The following MTOR variants were observed in gnomAD, a reference collection of about 807,000 sequenced individuals.
MTOR encodes the protein serine/threonine-protein kinase mTOR.
In MTOR, 70 loss-of-function variants were observed where a neutral mutation model predicts 319.8. The ratio of observed to expected loss-of-function variants is 0.22; its 90% CI spans 0.18 to 0.27. The LOEUF (loss-of-function observed/expected upper bound fraction) is 0.27. Among genes scored for constraint, MTOR ranks in the 10% least tolerant of loss-of-function variants. The pLI is 1.00. For missense variants in MTOR, 1,890 were observed against 3,274.4 expected (o/e 0.58, Z 10.32); for synonymous variants, 1,183 against 1,211.4 (o/e 0.98, Z 0.49).
chr1:11,189,911 T>C, intron 28 of MTOR: 5 of 1,613,768 alleles, frequency 3.1e-6, no homozygotes, highest in Non-Finnish European at 4.2e-6. Flanking sequence ...CAAATTGACA[T>C]CATGCAGCTG....
chr1:11,211,434 T>TG (rs1646307714), intron 23 of MTOR, among the ~76,000 whole-genome samples: 1 of 152,182 alleles, frequency 6.6e-6, no homozygotes. Flanking sequence ...GGCACAATTA[T>TG]GGGGGTCACT....
Position 11,115,488 on chromosome 1 carries a change from G to C in MTOR, c.7017-20C>G. ...GGGTGTCTTTGAGAAACAGAAGACA[G>C]ATCAGGGAGGGATCAACAGAGATAA... On this transcript the variant is annotated intron_variant, in intron 50 of 57. Coordinates refer to ENST00000361445, the MANE Select transcript of MTOR (RefSeq NM_004958.4). The surrounding 1 kb of genome is among the most constrained non-coding windows in gnomAD (Gnocchi z 4.5). 6.2e-7 allele frequency: 1 copy of C among 1,607,046 alleles called. No individual in the cohort carries two copies. The highest frequency in any genetic ancestry group is 1.1e-5 in the South Asian group (1 of 90,916).
At chr1:11,207,581 A>G (rs1646176832) in intron 25 of MTOR, among the ~76,000 whole-genome samples, 1 of 135,422 alleles carries the variant, frequency 7.4e-6, no homozygotes, top group Non-Finnish European at 1.6e-5. Context: ...GCTAATTTTT[A>G]AAATTTTTTC....
intron 6 of MTOR, among the ~76,000 whole-genome samples, chr1:11,251,380 T>C (rs997984077): frequency 6.6e-6 from 1 of 152,240 alleles, no homozygotes; most frequent in African/African-American, 2.4e-5. Flanking sequence ...AATAGCACCG[T>C]GTTTTAAAAT....
chr1:11,221,407 A>T (rs2100825548), intron 19 of MTOR, among the ~76,000 whole-genome samples: 1 of 152,296 alleles, frequency 6.6e-6, no homozygotes, highest in African/African-American at 2.4e-5. Flanking sequence ...ATATCAACTG[A>T]AAGTCTTAAA....
At chr1:11,194,480 G>A in intron 28 of MTOR, 2 of 1,614,074 alleles carry the variant, frequency 1.2e-6, no homozygotes, top group East Asian at 2.2e-5. Flanking sequence ...GGCAACCTGC[G>A]CTACGCTGAG....
intron 6 of MTOR, among the ~76,000 whole-genome samples, chr1:11,250,205 C>T (rs1266620905): frequency 2.7e-5 from 3 of 111,106 alleles, no homozygotes; most frequent in South Asian, 3.6e-4. Context: ...CCGGACGGGG[C>T]GGCTGGCCGG....
rs78152875 is a variant in MTOR, at chr1:11,174,528, A to G, written c.4254-7011T>C. 1.4e-4 allele frequency among the ~76,000 whole-genome samples: 22 copies of G among 152,326 alleles called. No homozygotes were observed. In the East Asian group the frequency reaches 2.9e-3, roughly 20 times the overall value. On this transcript the variant is annotated intron_variant, in intron 28 of 57. Transcript: ENST00000361445. The stretch of plus-strand genomic sequence containing the variant: ...CAGCCAGGCTTATAGTTCAGGCTGC[A>G]AAGTGCAGGACAAGCAAGTCTCTGT...
At chr1:11,164,239 G>A (rs528430683) in intron 29 of MTOR, among the ~76,000 whole-genome samples, 64 of 151,256 alleles carry the variant, frequency 4.2e-4, no homozygotes, top group African/African-American at 1.5e-3. Flanking sequence ...GGAGGCTGAG[G>A]CAGGAGAATT....
Position 11,200,871 on chromosome 1 carries a change from C to T in MTOR, c.3945-1168G>A, listed in dbSNP as rs139382073. ...TCTACTAAAAATACAAAAAATTAGC[C>T]GGGCGCGGTGGTGGTGGCCTGTAGT... On this transcript the variant is annotated intron_variant, in intron 26 of 57. Transcript: ENST00000361445. Among the ~76,000 whole-genome samples the T allele has an allele frequency of 8.0e-3, 1,210 of 151,996 alleles. 20 individuals are homozygous for T. Among genetic ancestry groups the T allele is most frequent in the African/African-American group, 0.027 (1,118 of 41,454 alleles).
rs373049647 is a variant in MTOR, at chr1:11,129,884, T to C, written c.5614-46A>G. 2.6e-6 allele frequency: 4 copies of C among 1,556,420 alleles called. No individual in the cohort carries two copies. In the African/African-American group the frequency reaches 5.4e-5, roughly 21 times the overall value. ...TAGCGACACTCTTGCCTCTGCTTTC[T>C]CATCTGTAAAATGGGCATAAGAGCA... On this transcript the variant is annotated intron_variant, in intron 39 of 57. Coordinates refer to ENST00000361445, the MANE Select transcript of MTOR (RefSeq NM_004958.4). The surrounding 1 kb of genome is among the most constrained non-coding windows in gnomAD (Gnocchi z 4.7).
At position 11,202,211 on chromosome 1, in the gene MTOR, C is replaced by A. The variant is rs375669407; in HGVS notation, c.3944+2350G>T. Among the ~76,000 whole-genome samples the A allele has an allele frequency of 5.0e-4, 76 of 151,940 alleles. 1 individual carries two copies. Among genetic ancestry groups the A allele is most frequent in the East Asian group, 2.7e-3 (14 of 5,168 alleles). ...CTGGGAGGCCGAGGTGGGCAGATTGCGAGGTCAGGAGATCGAGACCATCCT... is the reference window on the plus strand; with the variant it reads ...CTGGGAGGCCGAGGTGGGCAGATTGAGAGGTCAGGAGATCGAGACCATCCT... On this transcript the variant is annotated intron_variant, in intron 26 of 57. Transcript: ENST00000361445.
intron 36 of MTOR, among the ~76,000 whole-genome samples, chr1:11,137,428 A>T (rs1643483101): frequency 6.6e-6 from 1 of 152,156 alleles, no homozygotes; most frequent in Non-Finnish European, 1.5e-5. Flanking sequence ...TTTGAAGCCC[A>T]ATATTTCGTT....
At position 11,115,214 on chromosome 1, in the gene MTOR, G is replaced by A. The variant is rs1212043724; in HGVS notation, c.7089+182C>T. On this transcript the variant is annotated intron_variant, in intron 51 of 57. Transcript: ENST00000361445. The surrounding 1 kb of genome is among the most constrained non-coding windows in gnomAD (Gnocchi z 4.5). ...TGGGAACAGCAGCCCTTGCTCCAAGGGGGTTAGAGTCCAACTAAGAGCCCA... is the reference window on the plus strand; with the variant it reads ...TGGGAACAGCAGCCCTTGCTCCAAGAGGGTTAGAGTCCAACTAAGAGCCCA... Among the ~76,000 whole-genome samples the A allele has an allele frequency of 3.9e-5, 6 of 152,162 alleles. No homozygotes were observed. In the East Asian group the frequency reaches 1.2e-3, roughly 29 times the overall value.
chr1:11,194,796 C>T (rs1453666515), intron 28 of MTOR: 12 of 1,604,242 alleles, frequency 7.5e-6, no homozygotes, highest in Non-Finnish European at 1.0e-5. Context: ...TAACTCCTTA[C>T]CTGATGTCTG....
At chr1:11,191,782 T>C (rs1033673232) in intron 28 of MTOR, among the ~76,000 whole-genome samples, 2 of 152,158 alleles carry the variant, frequency 1.3e-5, no homozygotes, top group African/African-American at 2.4e-5. Context: ...CCCTTAATTA[T>C]GGTCTCAGGT....
At chr1:11,226,565 C>T (rs112606322) in intron 19 of MTOR, among the ~76,000 whole-genome samples, 4,540 of 151,598 alleles carry the variant, frequency 0.03, 177 homozygotes, top group Admixed American at 0.071. Context: ...CCAAGGTGGG[C>T]AGATAGCTTG....
intron 28 of MTOR, among the ~76,000 whole-genome samples, chr1:11,193,073 G>T (rs937672025): frequency 2.0e-5 from 3 of 151,974 alleles, no homozygotes; most frequent in African/African-American, 7.2e-5. Context: ...AAGTTTTTTG[G>T]GAGGTGAGGT....
intron 28 of MTOR, chr1:11,193,802 C>T (rs773513743): frequency 2.5e-6 from 4 of 1,612,210 alleles, no homozygotes; most frequent in Non-Finnish European, 3.4e-6. Context: ...GGCCCCATGA[C>T]TGGACCAGTG....
Sources: allele counts gnomAD v4.1 joint callset (sites outside exome capture counted in the v4.1 genomes callset), GRCh38; gene constraint gnomAD v4.1.1; non-coding constraint Gnocchi (gnomAD v3.1); transcripts MANE v1.5; gene names NCBI Gene and HGNC (gene_info 2026-07-23, HGNC 2026-07-21).